The following NCKAP5 variants were observed in gnomAD, a reference collection of about 807,000 sequenced individuals.
NCKAP5 encodes NCK associated protein 5, also known as nck-associated protein 5.
A neutral mutation model predicts 167.0 loss-of-function variants in NCKAP5; 92 were observed. The observed-to-expected ratio is 0.55, with a 90% CI of 0.47 to 0.66. The LOEUF is 0.66. NCKAP5 is among the 30% of genes least tolerant of loss of function. The pLI, the probability that NCKAP5 is intolerant of heterozygous loss-of-function variation, is 0.00. For missense variants in NCKAP5, 2,378 were observed against 2,315.0 expected (o/e 1.03, Z -0.56); for synonymous variants, 891 against 877.4 (o/e 1.02, Z -0.27).
chr2:133,597,673 CAAAAAAAAAAAAA>C, the NCKAP5 span, among the ~76,000 whole-genome samples: 2 of 61,122 alleles, frequency 3.3e-5, no homozygotes, highest in African/African-American at 1.3e-4. Flanking sequence ...GACTCTGTCT[CAAAAAAAAAAAAA>C]AAAAAAAAAA....
intron 11 of NCKAP5, among the ~76,000 whole-genome samples, chr2:132,810,106 T>C (rs969626060): frequency 1.3e-5 from 2 of 152,240 alleles, no homozygotes; most frequent in African/African-American, 4.8e-5. Flanking sequence ...AGGCTGAAGA[T>C]AGGGCCCCAA....
rs577425059 is a variant in NCKAP5, at chr2:133,356,663, GCTTTTGTTGAAA to G, written c.70-53565_70-53554del. Among the ~76,000 whole-genome samples, 623 of 152,304 alleles carry G rather than the reference GCTTTTGTTGAAA, an allele frequency of 4.1e-3. 5 individuals are homozygous for G. The highest frequency in any genetic ancestry group is 6.3e-3 in the Non-Finnish European group (428 of 68,008). ...ATATTGCATGTTTGGGAAGTTCATT[GCTTTTGTTGAAA>G]CTTTGAGAAAGCCCAATACCCAACA... On this transcript the variant is annotated intron_variant, in intron 3 of 19. Transcript: ENST00000409261.
At chr2:133,508,018 T>C (rs1197134743) in intron 3 of NCKAP5, among the ~76,000 whole-genome samples, 3 of 152,138 alleles carry the variant, frequency 2.0e-5, no homozygotes, top group Non-Finnish European at 4.4e-5. Flanking sequence ...AGAAAAGATA[T>C]GAAAATGATT....
In NCKAP5 at chr2:133,132,480, AGCAC is replaced by A. The variant is rs1559173826; in HGVS notation, c.208-2373_208-2370del. ...ATGCCTTTTAAAACATGAAAAAAAAAGCACACACACACACACACACACACACACA... is the reference window on the plus strand; with the variant it reads ...ATGCCTTTTAAAACATGAAAAAAAAAACACACACACACACACACACACACA... On this transcript the variant is annotated intron_variant, in intron 5 of 19. Transcript: ENST00000409261. 3.8e-4 allele frequency among the ~76,000 whole-genome samples: 36 copies of A among 94,574 alleles called. 1 individual carries two copies. The highest frequency in any genetic ancestry group is 1.9e-3 in the African/African-American group (36 of 19,282). 62.0% of individuals were successfully genotyped at this position (94,574 alleles called of 152,430 possible). A position where few individuals can be genotyped will look rare whatever the true frequency, so the allele number is the denominator to read the frequency against.
rs755420816 is a variant in NCKAP5, at chr2:132,732,014, G to A, written c.5166C>T (p.Ile1722=). Residue 1722 remains isoleucine (I), a synonymous_variant, in exon 17 of 20, where the codon ATC becomes ATT. Transcript: ENST00000409261. ...NCQMRTLDSG[I]GTFPLPDSGN... is the part of the protein sequence containing the mutation. ...CCGAGTCTGGGAGTGGAAAGGTTCC[G>A]ATCCCACTGTCCAATGTTCTCATCT... 5.0e-6 allele frequency: 8 copies of A among 1,613,702 alleles called. No individual in the cohort carries two copies. Among genetic ancestry groups the A allele is most frequent in the Non-Finnish European group, 6.8e-6 (8 of 1,179,792 alleles).
At chr2:132,951,935 CAAAA>C (rs1294038321) in intron 8 of NCKAP5, among the ~76,000 whole-genome samples, 1 of 152,016 alleles carries the variant, frequency 6.6e-6, no homozygotes, top group African/African-American at 2.4e-5. Context: ...ACTCACTAAA[CAAAA>C]AAACAAACAA....
chr2:133,330,579 G>C (rs1216371417), intron 3 of NCKAP5, among the ~76,000 whole-genome samples: 1 of 151,940 alleles, frequency 6.6e-6, no homozygotes. Context: ...TGCATCATAT[G>C]GTATTAGTAG....
At chr2:133,653,917 G>T in the NCKAP5 span, among the ~76,000 whole-genome samples, 2 of 152,232 alleles carry the variant, frequency 1.3e-5, no homozygotes, top group Middle Eastern at 3.4e-3. Context: ...GGGAAGTACA[G>T]TATTGTTATT....
intron 5 of NCKAP5, among the ~76,000 whole-genome samples, chr2:133,198,764 G>A (rs2085546915): frequency 6.6e-6 from 1 of 152,148 alleles, no homozygotes; most frequent in South Asian, 2.1e-4. Flanking sequence ...TGGAGGTAGT[G>A]TGAGGAAATT....
At chr2:133,163,920 G>T (rs547472696) in intron 5 of NCKAP5, among the ~76,000 whole-genome samples, 1 of 152,224 alleles carries the variant, frequency 6.6e-6, no homozygotes, top group East Asian at 1.9e-4. Flanking sequence ...TAAATAATTT[G>T]TCTGTTTTGC....
intron 2 of NCKAP5, among the ~76,000 whole-genome samples, chr2:133,550,482 G>A (rs1419969664): frequency 2.7e-5 from 4 of 150,760 alleles, no homozygotes; most frequent in South Asian, 4.2e-4. Context: ...TATAAACAGA[G>A]CCAAAGACAA....
the NCKAP5 span, among the ~76,000 whole-genome samples, chr2:133,660,030 C>T: frequency 6.6e-6 from 1 of 152,188 alleles, no homozygotes; most frequent in Admixed American, 6.5e-5. Context: ...GAGGCTCAGG[C>T]TGGATTCCTC....
chr2:132,804,807 G>T (rs1232788242), intron 11 of NCKAP5, among the ~76,000 whole-genome samples: 2 of 152,048 alleles, frequency 1.3e-5, no homozygotes, highest in Non-Finnish European at 2.9e-5. Context: ...AGCGAAGGAA[G>T]GCATCTGAAG....
chr2:132,893,086 A>AAG (rs1020006732), intron 8 of NCKAP5, among the ~76,000 whole-genome samples: 1 of 152,128 alleles, frequency 6.6e-6, no homozygotes, highest in African/African-American at 2.4e-5. Context: ...GCCACTTATA[A>AAG]AGCAAGTTTA....
intron 3 of NCKAP5, among the ~76,000 whole-genome samples, chr2:133,485,265 A>G (rs934580448): frequency 6.6e-6 from 1 of 152,200 alleles, no homozygotes; most frequent in Non-Finnish European, 1.5e-5. Flanking sequence ...GACAGTCACC[A>G]TTTAGGCTAG....
At chr2:132,818,546 G>C (rs967154642) in intron 11 of NCKAP5, among the ~76,000 whole-genome samples, 4 of 152,156 alleles carry the variant, frequency 2.6e-5, no homozygotes, top group Admixed American at 2.0e-4. Flanking sequence ...AAATTAGCTG[G>C]GCATGGTGGC....
At chr2:133,090,573 G>A (rs1365635358) in intron 6 of NCKAP5, among the ~76,000 whole-genome samples, 2 of 152,120 alleles carry the variant, frequency 1.3e-5, no homozygotes, top group Non-Finnish European at 2.9e-5. Context: ...CAGACACCTT[G>A]ATTACAAACA....
chr2:133,421,712 G>T (rs1374900490), intron 3 of NCKAP5, among the ~76,000 whole-genome samples: 1 of 152,186 alleles, frequency 6.6e-6, no homozygotes, highest in Non-Finnish European at 1.5e-5. Flanking sequence ...ACCTCAGCTG[G>T]GTCATCAGGA....
intron 6 of NCKAP5, among the ~76,000 whole-genome samples, chr2:133,048,779 T>C (rs2149478650): frequency 6.6e-6 from 1 of 152,318 alleles, no homozygotes; most frequent in Non-Finnish European, 1.5e-5. Flanking sequence ...ACAAAGGGCT[T>C]TTCAATTTCT....
Sources: allele counts gnomAD v4.1 joint callset (sites outside exome capture counted in the v4.1 genomes callset), GRCh38; gene constraint gnomAD v4.1.1; transcripts MANE v1.5; gene names NCBI Gene and HGNC (gene_info 2026-07-23, HGNC 2026-07-21).